The following TENM4 variants were observed in gnomAD, a reference collection of about 807,000 sequenced individuals.
TENM4 encodes teneurin-4.
Under a neutral mutation model 243.3 loss-of-function variants are expected in TENM4, and 82 were observed. The observed-to-expected ratio is 0.34, with a 90% CI of 0.28 to 0.40. The LOEUF is 0.40. Among genes scored for constraint, TENM4 ranks in the 10% least tolerant of loss-of-function variants. TENM4 has a pLI of 1.00. For missense variants in TENM4, 3,138 were observed against 3,673.3 expected, an observed-to-expected ratio of 0.85 and a Z score of 3.77; for synonymous variants, 1,412 against 1,456.3, an observed-to-expected ratio of 0.97 and a Z score of 0.69.
At position 78,751,342 on chromosome 11, in the gene TENM4, C is replaced by G. The variant is rs150839661; in HGVS notation, c.2756+5463G>C. On this transcript the variant is annotated intron_variant, in intron 19 of 33. Transcript: ENST00000278550. ...TGCTAAAGTCCCCTGACTTCTTGAG[C>G]CTTTTCTCTTGGGGCTCAGTGTCTC... Among the ~76,000 whole-genome samples, 329 of 152,278 alleles carry G rather than the reference C, an allele frequency of 2.2e-3. 2 individuals carry two copies. The highest frequency in any genetic ancestry group is 7.4e-3 in the African/African-American group (309 of 41,542).
At chr11:79,090,887 G>C (rs1860929914) in intron 4 of TENM4, among the ~76,000 whole-genome samples, 1 of 152,170 alleles carries the variant, frequency 6.6e-6, no homozygotes, top group African/African-American at 2.4e-5. Flanking sequence ...TTTAGTGGGA[G>C]AAACTGAGCC....
intron 28 of TENM4, 141 bp downstream of exon 28, chr11:78,701,385 A>C (rs1471657135): frequency 2.5e-6 from 3 of 1,181,194 alleles, no homozygotes; most frequent in African/African-American, 3.1e-5. Flanking sequence ...ATCATGTGGA[A>C]TATGAACATG....
chr11:78,975,102 C>A (rs571805263), intron 6 of TENM4, among the ~76,000 whole-genome samples: 9 of 148,198 alleles, frequency 6.1e-5, no homozygotes, highest in African/African-American at 2.0e-4. Context: ...GAGAGGCATG[C>A]AGCCTCATGG....
intron 1 of TENM4, among the ~76,000 whole-genome samples, chr11:79,306,727 A>G (rs1045933359): frequency 9.2e-5 from 14 of 152,184 alleles, no homozygotes; most frequent in South Asian, 2.1e-4. Context: ...TATTATCACC[A>G]TGCCCATTTA....
chr11:79,190,338 C>G (rs1051152503), intron 3 of TENM4, among the ~76,000 whole-genome samples: 3 of 152,168 alleles, frequency 2.0e-5, no homozygotes, highest in African/African-American at 7.2e-5. Context: ...CTGTGTCACC[C>G]TTGGTAAGAG....
At chr11:79,137,650 TC>T (rs1862136590) in intron 4 of TENM4, among the ~76,000 whole-genome samples, 1 of 152,206 alleles carries the variant, frequency 6.6e-6, no homozygotes, top group South Asian at 2.1e-4. Context: ...TAAAAACACG[TC>T]TGCGCATATA....
intron 6 of TENM4, among the ~76,000 whole-genome samples, chr11:78,904,735 C>T (rs900865265): frequency 6.6e-6 from 1 of 152,102 alleles, no homozygotes; most frequent in African/African-American, 2.4e-5. Flanking sequence ...GGTATCATCA[C>T]CAATTTATAG....
Position 78,729,696 on chromosome 11 carries a change from G to A in TENM4, c.3139-53C>T, listed in dbSNP as rs543241728. ...GGGACGGTCGTCGACTCACCGAGTGGAGGGAAGATGGCGTGGCCCCATGGA... is the reference window on the plus strand; with the variant it reads ...GGGACGGTCGTCGACTCACCGAGTGAAGGGAAGATGGCGTGGCCCCATGGA... On this transcript the variant is annotated intron_variant, in intron 21 of 33. Coordinates refer to ENST00000278550, the MANE Select transcript of TENM4 (RefSeq NM_001098816.3). 1.9e-6 allele frequency: 3 copies of A among 1,544,856 alleles called. No homozygotes were observed. The South Asian group carries it at 3.7e-5, about 19-fold the overall frequency.
chr11:78,859,131 CA>C (rs1858752638), intron 10 of TENM4, among the ~76,000 whole-genome samples: 1 of 152,094 alleles, frequency 6.6e-6, no homozygotes, highest in Admixed American at 6.6e-5. Context: ...TTCACAGCCC[CA>C]GCAGGCTAAA....
intron 2 of TENM4, among the ~76,000 whole-genome samples, chr11:79,291,704 C>T (rs1470648688): frequency 1.3e-5 from 2 of 152,178 alleles, no homozygotes; most frequent in Admixed American, 6.5e-5. Flanking sequence ...TATTATTACT[C>T]CAGTGTACAG....
At chr11:79,192,033 C>T (rs1278998620) in intron 3 of TENM4, among the ~76,000 whole-genome samples, 2 of 150,332 alleles carry the variant, frequency 1.3e-5, no homozygotes, top group Admixed American at 6.8e-5. Flanking sequence ...AAGTGAGGAG[C>T]CCCTCTGCCC....
chr11:79,218,335 G>A (rs1864097229), intron 2 of TENM4, among the ~76,000 whole-genome samples: 1 of 147,108 alleles, frequency 6.8e-6, no homozygotes, highest in Non-Finnish European at 1.5e-5. Flanking sequence ...ACTTTCTCTG[G>A]TGTTGGGGCT....
chr11:78,844,467 C>T (rs1052103922), intron 12 of TENM4, among the ~76,000 whole-genome samples: 9 of 152,124 alleles, frequency 5.9e-5, no homozygotes, highest in African/African-American at 2.2e-4. Flanking sequence ...CATGGTGAAA[C>T]CCCGTCTCTA....
chr11:79,409,815 A>T (rs1858660487), intron 1 of TENM4, among the ~76,000 whole-genome samples: 1 of 152,212 alleles, frequency 6.6e-6, no homozygotes, highest in African/African-American at 2.4e-5. Context: ...AGGTGGATAC[A>T]TACCCCAGCT....
At chr11:78,820,999 T>C (rs1591048456) in intron 12 of TENM4, among the ~76,000 whole-genome samples, 1 of 152,330 alleles carries the variant, frequency 6.6e-6, no homozygotes, top group African/African-American at 2.4e-5. Flanking sequence ...TTGCAGACGA[T>C]GGAATTCAAA....
At chr11:79,130,436 A>G (rs375014304) in intron 4 of TENM4, among the ~76,000 whole-genome samples, 61 of 151,904 alleles carry the variant, frequency 4.0e-4, no homozygotes, top group African/African-American at 1.4e-3. Context: ...CATTAAGCTA[A>G]TCAGGGAGGG....
In TENM4 at chr11:79,119,036, A is replaced by C. The variant is rs368858331; in HGVS notation, c.-66+29674T>G. Among the ~76,000 whole-genome samples the C allele has an allele frequency of 1.3e-4, 19 of 151,784 alleles. No homozygotes were observed. In the East Asian group the frequency reaches 2.3e-3, roughly 19 times the overall value. On this transcript the variant is annotated intron_variant, in intron 4 of 33. Transcript: ENST00000278550. ...CCTAATCCATTTTTAAAGATAATAA[A>C]ATTGAGGTTCAGAGGCTAAGCAATA... is the stretch of plus-strand genomic sequence containing the variant.
chr11:79,313,724 G>A (rs1013199336), intron 1 of TENM4, among the ~76,000 whole-genome samples: 8 of 152,094 alleles, frequency 5.3e-5, no homozygotes, highest in Admixed American at 1.3e-4. Context: ...TATCATCACC[G>A]AGCTCCAGCA....
At chr11:79,346,000 T>A (rs1023703371) in intron 1 of TENM4, among the ~76,000 whole-genome samples, 1 of 152,184 alleles carries the variant, frequency 6.6e-6, no homozygotes, top group African/African-American at 2.4e-5. Flanking sequence ...TGTGTAATTA[T>A]CACATGTCTC....
Sources: gnomAD v4.1 joint callset for allele counts (sites outside exome capture counted in the v4.1 genomes callset) on GRCh38, gnomAD v4.1.1 for gene constraint, MANE v1.5 for transcripts, NCBI Gene and HGNC (gene_info 2026-07-23, HGNC 2026-07-21) for gene names.